Variants in ZNF264 observed in about 807,000 individuals in gnomAD.
ZNF264 encodes zinc finger protein 264.
Under a neutral mutation model 11.2 loss-of-function variants are expected in ZNF264, and 11 were observed. The ratio of observed to expected loss-of-function variants is 0.98; its 90% CI spans 0.62 to 1.63. The LOEUF is 1.63. Among genes scored for constraint, ZNF264 ranks in the 40% most tolerant of loss-of-function variants. The pLI, the probability that ZNF264 is intolerant of heterozygous loss-of-function variation, is 0.00. For synonymous variants in ZNF264, 309 were observed against 279.8 expected (o/e 1.10, Z -1.04); for missense variants, 752 against 768.1 (o/e 0.98, Z 0.25).
intron 2 of ZNF264, among the ~76,000 whole-genome samples, chr19:57,199,497 A>T (rs1414428833): frequency 1.3e-5 from 2 of 151,958 alleles, no homozygotes; most frequent in African/African-American, 4.9e-5. Context: ...TCCATATTTC[A>T]GCTAGCCAAG....
intron 2 of ZNF264, among the ~76,000 whole-genome samples, chr19:57,195,387 CA>C (rs1298014725): frequency 1.3e-5 from 2 of 152,226 alleles, no homozygotes; most frequent in African/African-American, 4.8e-5. Flanking sequence ...ACAACAATTA[CA>C]GTCCTCATTT....
At chr19:57,202,788 C>T (rs2087262806) in intron 2 of ZNF264, among the ~76,000 whole-genome samples, 1 of 151,770 alleles carries the variant, frequency 6.6e-6, no homozygotes, top group Admixed American at 6.6e-5. Context: ...GTTCCGTGAG[C>T]TGCTCCAGCA....
rs754080415 is a variant in ZNF264 at position 57,211,346 on chromosome 19, T to A, written c.257-8T>A. The A allele has an allele frequency of 6.3e-7, 1 of 1,585,378 alleles. No individual in the cohort carries two copies. Among genetic ancestry groups the A allele is most frequent in the African/African-American group, 1.4e-5 (1 of 73,748 alleles). ...AACAGGCCCTTTTGTGTGCTGGATT[T>A]CTTTCAGGCGACAAAGGAAAACCTA... On this transcript the variant is annotated splice_polypyrimidine_tract_variant and splice_region_variant and intron_variant, in intron 3 of 3. Coordinates refer to ENST00000263095, the MANE Select transcript of ZNF264 (RefSeq NM_003417.5).
Position 57,211,887 on chromosome 19 carries a change from T to A in ZNF264, c.790T>A (p.Cys264Ser). 1 of 1,613,884 alleles carries A rather than the reference T, an allele frequency of 6.2e-7. No homozygotes were observed. The highest frequency in any genetic ancestry group is 8.5e-7 in the Non-Finnish European group (1 of 1,179,978). Residue 264 changes from cysteine (C) to serine (S), a missense_variant, in exon 4 of 4, where the codon TGT becomes AGT. By Grantham distance (112) the Cys-to-Ser change is moderately radical (BLOSUM62 -1). Transcript: ENST00000263095. ...GGAGAGGCCCTATGAGTGCATGGAG[T>A]GTGGAAAGGCCTTCAACCGCAAGTC... ...TGERPYECME[C>S]GKAFNRKSYL...
rs564308425 is a variant in ZNF264, at chr19:57,215,210, G to T, written c.*2229G>T. 11 of 152,234 alleles carry T rather than the reference G, an allele frequency of 7.2e-5. No individual in the cohort carries two copies. The highest frequency in any genetic ancestry group is 2.4e-4 in the African/African-American group (10 of 41,544). The allele number at this position is 152,234 out of a possible 1,614,324, so 9.4% of individuals were successfully genotyped here. On this transcript the variant is annotated 3_prime_UTR_variant, in exon 4 of 4. Transcript: ENST00000263095. ...TGGGCCAGAGATTTTTCTTCTGGAGGCTTTTAAATTACATATTTATTTTAT... is the reference window on the plus strand; with the variant it reads ...TGGGCCAGAGATTTTTCTTCTGGAGTCTTTTAAATTACATATTTATTTTAT...
At chr19:57,197,844 T>C (rs1336144050) in intron 2 of ZNF264, among the ~76,000 whole-genome samples, 1 of 151,884 alleles carries the variant, frequency 6.6e-6, no homozygotes, top group East Asian at 1.9e-4. Flanking sequence ...AGGTAGAAGG[T>C]CCCTAAATTT....
At chr19:57,208,577 C>G (rs1039227166) in intron 3 of ZNF264, among the ~76,000 whole-genome samples, 2 of 151,966 alleles carry the variant, frequency 1.3e-5, no homozygotes, top group Admixed American at 6.6e-5. Context: ...CATGAGAGAC[C>G]ATGAACCAGA....
In ZNF264 at chr19:57,194,267, T is replaced by A. The variant is rs2087196373; in HGVS notation, c.160+266T>A. The A allele has an allele frequency of 1.1e-5, 5 of 475,650 alleles. No individual in the cohort carries two copies. In the South Asian group the frequency reaches 2.5e-4, roughly 23 times the overall value. The allele number at this position is 475,650 out of a possible 1,614,324, so 29.5% of individuals were successfully genotyped here. ...TGCAAACTCAAAGGTAATTTTCAGC[T>A]GTGCCTCATGAGGGGCTGGTGTAGG... On this transcript the variant is annotated intron_variant, in intron 2 of 3. Coordinates refer to ENST00000263095, the MANE Select transcript of ZNF264 (RefSeq NM_003417.5).
rs1225952231 is a variant in ZNF264, at chr19:57,191,928, G to T, written c.15G>T (p.Val5=). The change falls in exon 1 of 4, where the codon GTG becomes GTT. Residue 5 remains valine (V), a synonymous_variant. Transcript: ENST00000263095. MAAA[V]LTDRAQVSVT... is the part of the protein sequence containing the mutation. Reference sequence around the variant, plus strand: ...GGGGTGACGTGATGGCGGCAGCGGTGCTGACGGACCGGGCCCAGGTGAGTG... The same window carrying T: ...GGGGTGACGTGATGGCGGCAGCGGTTCTGACGGACCGGGCCCAGGTGAGTG... 6.5e-6 allele frequency: 10 copies of T among 1,535,024 alleles called. No homozygotes were observed. The highest frequency in any genetic ancestry group is 7.9e-6 in the Non-Finnish European group (9 of 1,139,928).
chr19:57,220,255 C>T lies in ZNF264; in HGVS notation c.*7274C>T, dbSNP rs990242587. 2 of 152,232 alleles carry T rather than the reference C, an allele frequency of 1.3e-5. No homozygotes were observed. The highest frequency in any genetic ancestry group is 2.9e-5 in the Non-Finnish European group (2 of 68,048). 9.4% of individuals were successfully genotyped at this position (152,232 alleles called of 1,614,324 possible). ...CAACAATGCTATAATCTGTTACTCTCATTCGACAATACATCTTGACTGTTT... is the reference window on the plus strand; with the variant it reads ...CAACAATGCTATAATCTGTTACTCTTATTCGACAATACATCTTGACTGTTT... On this transcript the variant is annotated 3_prime_UTR_variant, in exon 4 of 4. Coordinates refer to ENST00000263095, the MANE Select transcript of ZNF264 (RefSeq NM_003417.5).
Position 57,220,288 on chromosome 19 carries a change from T to A in ZNF264, c.*7307T>A, listed in dbSNP as rs1285184014. The A allele has an allele frequency of 6.6e-6, 1 of 152,228 alleles. No homozygotes were observed. The highest frequency in any genetic ancestry group is 1.5e-5 in the Non-Finnish European group (1 of 68,054). 9.4% of individuals were successfully genotyped at this position (152,228 alleles called of 1,614,324 possible). Reference sequence around the variant, plus strand: ...AATACATCTTGACTGTTTCTTCAACTTGAGGAAGGTAAACCAAAGCCACTC... The same window carrying A: ...AATACATCTTGACTGTTTCTTCAACATGAGGAAGGTAAACCAAAGCCACTC... On this transcript the variant is annotated 3_prime_UTR_variant, in exon 4 of 4. Transcript: ENST00000263095.
Position 57,212,245 on chromosome 19 carries a change from G to A in ZNF264, c.1148G>A (p.Ser383Asn), listed in dbSNP as rs758189017. The A allele has an allele frequency of 6.2e-7, 1 of 1,613,976 alleles. No homozygotes were observed. The highest frequency in any genetic ancestry group is 1.3e-5 in the African/African-American group (1 of 74,874). Residue 383 changes from serine to asparagine, a missense_variant, in exon 4 of 4, where the codon AGT becomes AAT. By Grantham distance (46) the Ser-to-Asn change is conservative (BLOSUM62 1). Coordinates refer to ENST00000263095, the MANE Select transcript of ZNF264 (RefSeq NM_003417.5). ...CSECGKVFLE[S>N]AALIHHYVIH... ...GAATGTGGGAAGGTCTTCTTGGAGA[G>A]TGCAGCCCTGATTCACCACTATGTC...
chr19:57,202,043 AAAAAAAATC>A, intron 2 of ZNF264, among the ~76,000 whole-genome samples: 1 of 151,668 alleles, frequency 6.6e-6, no homozygotes, highest in South Asian at 2.1e-4. Flanking sequence ...CAGCCTCTAC[AAAAAAAATC>A]AAAAAAATTA....
At chr19:57,202,140 G>A (rs960721914) in intron 2 of ZNF264, among the ~76,000 whole-genome samples, 1 of 151,830 alleles carries the variant, frequency 6.6e-6, no homozygotes, top group Admixed American at 6.6e-5. Flanking sequence ...AGCCTGGGAG[G>A]TAGAGGCTGC....
rs565488858 is a variant in ZNF264 at position 57,216,976 on chromosome 19, T to C, written c.*3995T>C. ...TAAACCCATTGCAAGTTGAAAATACTATGTCAAATATGCATTTAATACACC... is the reference window on the plus strand; with the variant it reads ...TAAACCCATTGCAAGTTGAAAATACCATGTCAAATATGCATTTAATACACC... On this transcript the variant is annotated 3_prime_UTR_variant, in exon 4 of 4. Transcript: ENST00000263095. The C allele has an allele frequency of 6.6e-6, 1 of 152,292 alleles. No homozygotes were observed. The highest frequency in any genetic ancestry group is 6.5e-5 in the Admixed American group (1 of 15,300). 9.4% of individuals were successfully genotyped at this position (152,292 alleles called of 1,614,324 possible). A position where few individuals can be genotyped will look rare whatever the true frequency, so the allele number is the denominator to read the frequency against.
At chr19:57,194,361 A>T (rs570566002) in intron 2 of ZNF264, among the ~76,000 whole-genome samples, 1 of 152,258 alleles carries the variant, frequency 6.6e-6, no homozygotes, top group East Asian at 1.9e-4. Flanking sequence ...TCTATTCTCT[A>T]TGGCTTTTTC....
chr19:57,196,832 G>A (rs1454775614), intron 2 of ZNF264, among the ~76,000 whole-genome samples: 4 of 151,708 alleles, frequency 2.6e-5, no homozygotes, highest in Non-Finnish European at 5.9e-5. Context: ...ATCCTTCTTC[G>A]AAGTCCCTGA....
intron 3 of ZNF264, among the ~76,000 whole-genome samples, chr19:57,209,797 C>T (rs1261196754): frequency 6.6e-6 from 1 of 151,952 alleles, no homozygotes; most frequent in East Asian, 1.9e-4. Context: ...GGGAGCTTGC[C>T]GTGTTTCTCA....
rs2087386365 is a variant in ZNF264, at chr19:57,217,227, T to C, written c.*4246T>C. ...ACCATCCTAAGTCAGGGACTGTCTG[T>C]ATATATCTGCATTTTTTAGTGATTG... On this transcript the variant is annotated 3_prime_UTR_variant, in exon 4 of 4. Coordinates refer to ENST00000263095, the MANE Select transcript of ZNF264 (RefSeq NM_003417.5). The C allele has an allele frequency of 6.6e-6, 1 of 152,240 alleles. No individual in the cohort carries two copies. The highest frequency in any genetic ancestry group is 2.1e-4 in the South Asian group (1 of 4,838). 9.4% of individuals were successfully genotyped at this position (152,240 alleles called of 1,614,324 possible). A position where few individuals can be genotyped will look rare whatever the true frequency, so the allele number is the denominator to read the frequency against.
Sources: gnomAD v4.1 joint callset for allele counts (sites outside exome capture counted in the v4.1 genomes callset) on GRCh38, gnomAD v4.1.1 for gene constraint, MANE v1.5 for transcripts, NCBI Gene and HGNC (gene_info 2026-07-23, HGNC 2026-07-21) for gene names.